The following COMMD9 variants were observed in gnomAD, a reference collection of about 807,000 sequenced individuals.
COMMD9 encodes COMM domain-containing protein 9.
COMMD9 carries 22 observed loss-of-function variants against 23.4 expected under a neutral mutation model. The observed-to-expected ratio is 0.94, with a 90% CI of 0.67 to 1.34. The LOEUF is 1.34. Ranked by LOEUF, COMMD9 falls within the 40% of genes most tolerant of loss-of-function variation. The pLI is 0.00. For missense variants in COMMD9, 231 were observed against 240.2 expected, an observed-to-expected ratio of 0.96 and a Z score of 0.25; for synonymous variants, 99 against 97.4, an observed-to-expected ratio of 1.02 and a Z score of -0.10.
intron 5 of COMMD9, among the ~76,000 whole-genome samples, 160 bp from the exon 6 acceptor site, chr11:36,274,932 G>C (rs1855945862): frequency 6.6e-6 from 1 of 152,240 alleles, no homozygotes; most frequent in South Asian, 2.1e-4. Flanking sequence ...TCATTTAGCA[G>C]TAAGGGAGAG....
chr11:36,284,649 A>G (rs1035239919), intron 1 of COMMD9, among the ~76,000 whole-genome samples: 1 of 152,228 alleles, frequency 6.6e-6, no homozygotes, highest in Non-Finnish European at 1.5e-5. Flanking sequence ...ATCAAATTCA[A>G]AAGAAGTGAA....
chr11:36,281,589 A>G (rs1436216731), intron 1 of COMMD9, among the ~76,000 whole-genome samples: 2 of 152,240 alleles, frequency 1.3e-5, no homozygotes, highest in African/African-American at 4.8e-5. Flanking sequence ...TTCAGGTATC[A>G]ACAGATGCCA....
At chr11:36,289,278 G>A in intron 1 of COMMD9, 84 bp downstream of exon 1, 1 of 1,348,416 alleles carries the variant, frequency 7.4e-7, no homozygotes. Context: ...TCCAAACCAG[G>A]GTCAATTTGT....
chr11:36,283,097 G>C (rs1856093399), intron 1 of COMMD9, among the ~76,000 whole-genome samples: 1 of 152,178 alleles, frequency 6.6e-6, no homozygotes. Flanking sequence ...TGGGTCCCCA[G>C]CCAATGGGAT....
intron 2 of COMMD9, 38 bp downstream of exon 2, chr11:36,280,674 A>C: frequency 6.5e-7 from 1 of 1,527,480 alleles, no homozygotes. Flanking sequence ...GACTAATAAG[A>C]GGGCCAGTGG....
At chr11:36,284,104 TCAACAA>T (rs79468939) in intron 1 of COMMD9, among the ~76,000 whole-genome samples, 3,077 of 149,386 alleles carry the variant, frequency 0.021, 44 homozygotes, top group Middle Eastern at 0.045. Flanking sequence ...AGACCCTGTC[TCAACAA>T]CAACAACAAC....
chr11:36,288,970 A>C (rs946185724), intron 1 of COMMD9, among the ~76,000 whole-genome samples: 5 of 152,042 alleles, frequency 3.3e-5, no homozygotes, highest in African/African-American at 1.2e-4. Flanking sequence ...GGTCATTCGG[A>C]GGGCTGGGCA....
chr11:36,275,146 T>G (rs900051629), intron 5 of COMMD9, among the ~76,000 whole-genome samples: 4 of 152,236 alleles, frequency 2.6e-5, no homozygotes, highest in Admixed American at 2.6e-4. Flanking sequence ...TGCATTGGGA[T>G]GCAGGAACAA....
chr11:36,280,872 C>T, intron 1 of COMMD9, 35 bp from the exon 2 acceptor site: 2 of 1,492,584 alleles, frequency 1.3e-6, no homozygotes, highest in South Asian at 2.6e-5. Flanking sequence ...AAAAAAAAAA[C>T]TCAGACTCTG....
At chr11:36,280,655 C>A in intron 2 of COMMD9, 57 bp downstream of exon 2, 1 of 1,493,700 alleles carries the variant, frequency 6.7e-7, no homozygotes, top group South Asian at 1.3e-5. Flanking sequence ...ACTGGGAAGT[C>A]AAGAAAGAGA....
intron 1 of COMMD9, among the ~76,000 whole-genome samples, chr11:36,285,626 G>A (rs1045868049): frequency 2.6e-5 from 4 of 151,774 alleles, no homozygotes; most frequent in Admixed American, 2.6e-4. Flanking sequence ...GAAAATAATG[G>A]CAAATAGAGA....
In COMMD9 at chr11:36,276,024, G is replaced by T. The variant is rs192123543; in HGVS notation, c.456+113C>A. ...TAACTAAACAAAGGAGGATAAAGGG[G>T]ATGGTAATTTAAAAAAATATATGGG... On this transcript the variant is annotated intron_variant, in intron 5 of 5. Transcript: ENST00000263401. The T allele has an allele frequency of 1.7e-4, 120 of 704,992 alleles. 1 individual carries two copies. The African/African-American group carries it at 1.8e-3, about 11-fold the overall frequency. 43.7% of individuals were successfully genotyped at this position (704,992 alleles called of 1,614,324 possible).
In COMMD9 at chr11:36,284,092, C is replaced by T. The variant is rs563546706; in HGVS notation, c.52-3255G>A. On this transcript the variant is annotated intron_variant, in intron 1 of 5. Coordinates refer to ENST00000263401, the MANE Select transcript of COMMD9 (RefSeq NM_014186.4). ...CTGCACTCCAGCCTGGGTGACAGAG[C>T]GAGACCCTGTCTCAACAACAACAAC... is the stretch of plus-strand genomic sequence containing the variant. Among the ~76,000 whole-genome samples the T allele has an allele frequency of 8.8e-4, 126 of 142,798 alleles. 1 individual carries two copies. Among genetic ancestry groups the T allele is most frequent in the Non-Finnish European group, 1.6e-3 (104 of 65,778 alleles). 93.7% of individuals were successfully genotyped at this position (142,798 alleles called of 152,430 possible).
intron 1 of COMMD9, among the ~76,000 whole-genome samples, chr11:36,282,702 G>A (rs1856087144): frequency 6.6e-6 from 1 of 152,228 alleles, no homozygotes; most frequent in Non-Finnish European, 1.5e-5. Flanking sequence ...TGGAACACCA[G>A]TGTACTAGCC....
intron 1 of COMMD9, among the ~76,000 whole-genome samples, chr11:36,286,217 G>T (rs1856148796): frequency 6.6e-6 from 1 of 151,892 alleles, no homozygotes; most frequent in East Asian, 1.9e-4. Flanking sequence ...TAAATCAGTT[G>T]TATTTCTATT....
Position 36,273,601 on chromosome 11 carries a change from C to T in COMMD9, c.*1031G>A, listed in dbSNP as rs61878673. The T allele has an allele frequency of 1.3e-5, 2 of 152,334 alleles. No individual in the cohort carries two copies. Among genetic ancestry groups the T allele is most frequent in the African/African-American group, 2.4e-5 (1 of 41,456 alleles). The allele number at this position is 152,334 out of a possible 1,614,324, so 9.4% of individuals were successfully genotyped here. On this transcript the variant is annotated 3_prime_UTR_variant, in exon 6 of 6. Transcript: ENST00000263401. ...GGTTCACGCCATTCTCCTGCCTCAG[C>T]CTCCCGAGGAGCTGGGACTACAGAT...
chr11:36,275,929 A>T (rs1467612793), intron 5 of COMMD9, among the ~76,000 whole-genome samples: 1 of 152,214 alleles, frequency 6.6e-6, no homozygotes. Context: ...TTTTAAAAAT[A>T]TGTTTTGTAT....
intron 2 of COMMD9, among the ~76,000 whole-genome samples, chr11:36,278,859 G>A (rs1565351603): frequency 6.6e-6 from 1 of 152,214 alleles, no homozygotes; most frequent in South Asian, 2.1e-4. Flanking sequence ...CTGACAGCTT[G>A]TCAGAAACTC....
At chr11:36,285,353 A>T (rs1856133708) in intron 1 of COMMD9, among the ~76,000 whole-genome samples, 1 of 152,164 alleles carries the variant, frequency 6.6e-6, no homozygotes, top group African/African-American at 2.4e-5. Flanking sequence ...TAAGAAAATT[A>T]AATTCACAAT....
Sources: allele counts gnomAD v4.1 joint callset (sites outside exome capture counted in the v4.1 genomes callset), GRCh38; gene constraint gnomAD v4.1.1; transcripts MANE v1.5; gene names NCBI Gene and HGNC (gene_info 2026-07-23, HGNC 2026-07-21).